Variants in NEGR1 observed in about 807,000 individuals in gnomAD.
The protein encoded by NEGR1 is neuronal growth regulator 1, also known as IgLON family member 4.
NEGR1 carries 10 observed loss-of-function variants against 40.9 expected under a neutral mutation model. The observed-to-expected ratio is 0.24, with a 90% confidence interval of 0.15 to 0.42. NEGR1 has a LOEUF of 0.42. Ranked by LOEUF, NEGR1 falls within the 10% of genes least tolerant of loss-of-function variation. NEGR1 has a pLI of 1.00. For missense variants in NEGR1, 352 were observed against 438.9 expected (o/e 0.80, Z 1.77); for synonymous variants, 185 against 166.8 (o/e 1.11, Z -0.84).
chr1:71,757,494 C>T (rs1655783811), intron 3 of NEGR1, among the ~76,000 whole-genome samples: 1 of 152,026 alleles, frequency 6.6e-6, no homozygotes, highest in Non-Finnish European at 1.5e-5. Flanking sequence ...GACTTGGTTC[C>T]TTTATTCTAA....
intron 1 of NEGR1, among the ~76,000 whole-genome samples, chr1:71,974,816 T>C (rs978188375): frequency 1.7e-4 from 26 of 152,214 alleles, no homozygotes; most frequent in Non-Finnish European, 3.4e-4. Flanking sequence ...TTTGAAAAGA[T>C]GTATACCTTA....
chr1:71,492,729 A>G (rs1646937876), intron 6 of NEGR1, among the ~76,000 whole-genome samples: 1 of 152,152 alleles, frequency 6.6e-6, no homozygotes, highest in Admixed American at 6.6e-5. Context: ...TAAAACTTTG[A>G]CTTTGTTTTC....
At chr1:72,187,290 C>T (rs1030714114) in intron 1 of NEGR1, among the ~76,000 whole-genome samples, 5 of 151,232 alleles carry the variant, frequency 3.3e-5, no homozygotes, top group Admixed American at 6.6e-5. Flanking sequence ...ATATTTTTTT[C>T]GCCACATTTC....
intron 2 of NEGR1, among the ~76,000 whole-genome samples, chr1:71,783,604 T>C (rs541169397): frequency 2.6e-5 from 4 of 152,238 alleles, no homozygotes; most frequent in East Asian, 3.9e-4. Flanking sequence ...GCCAAATTCA[T>C]GAAATACCTA....
intron 1 of NEGR1, among the ~76,000 whole-genome samples, chr1:72,234,775 G>A (rs1460911541): frequency 1.3e-5 from 2 of 151,920 alleles, no homozygotes; most frequent in African/African-American, 4.8e-5. Flanking sequence ...TTACTAAAAA[G>A]TCAAAAAAAT....
rs1646234836 is a variant in NEGR1, at chr1:71,399,724, C to A, written c.*7722G>T. 6.6e-6 allele frequency: 1 copy of A among 152,262 alleles called. No homozygotes were observed. The highest frequency in any genetic ancestry group is 2.1e-4 in the South Asian group (1 of 4,824). 9.4% of individuals were successfully genotyped at this position (152,262 alleles called of 1,614,324 possible). ...GGCAATGATTTCTTAAGGAGTATGT[C>A]AAAAATGAGCTATTGAACACATTTT... On this transcript the variant is annotated 3_prime_UTR_variant, in exon 7 of 7. Transcript: ENST00000357731.
At chr1:72,222,715 A>C (rs1406459000) in intron 1 of NEGR1, among the ~76,000 whole-genome samples, 1 of 152,162 alleles carries the variant, frequency 6.6e-6, no homozygotes, top group Admixed American at 6.6e-5. Flanking sequence ...TGACTTCAGA[A>C]GCTGAGGCAA....
chr1:71,495,485 A>T (rs1476676121), intron 6 of NEGR1, among the ~76,000 whole-genome samples: 2 of 151,890 alleles, frequency 1.3e-5, no homozygotes, highest in South Asian at 2.1e-4. Context: ...TCGGAAAAAA[A>T]AAAAAAAAGA....
chr1:72,136,818 G>A (rs765112539), intron 1 of NEGR1, among the ~76,000 whole-genome samples: 7 of 152,032 alleles, frequency 4.6e-5, no homozygotes, highest in Non-Finnish European at 1.0e-4. Context: ...GCAACCTACA[G>A]AATGGGAGAA....
At chr1:71,568,999 CTCCACCT>C (rs1170125525) in intron 6 of NEGR1, among the ~76,000 whole-genome samples, 1 of 151,770 alleles carries the variant, frequency 6.6e-6, no homozygotes, top group Non-Finnish European at 1.5e-5. Flanking sequence ...TCACTGCAAC[CTCCACCT>C]TCCAGGTTCA....
intron 3 of NEGR1, among the ~76,000 whole-genome samples, chr1:71,721,578 C>G (rs368251269): frequency 3.9e-5 from 6 of 152,104 alleles, no homozygotes; most frequent in African/African-American, 1.4e-4. Flanking sequence ...GTTGGCACTA[C>G]TGCTATTTTG....
At chr1:71,547,164 T>C (rs923833328) in intron 6 of NEGR1, among the ~76,000 whole-genome samples, 4 of 151,856 alleles carry the variant, frequency 2.6e-5, no homozygotes, top group Non-Finnish European at 5.9e-5. Context: ...ATAGCTAAAG[T>C]AGGAAGAGGA....
intron 1 of NEGR1, among the ~76,000 whole-genome samples, chr1:72,115,685 A>G (rs1649553821): frequency 6.6e-6 from 1 of 151,768 alleles, no homozygotes; most frequent in African/African-American, 2.4e-5. Context: ...AGAGCTCTCC[A>G]GGTATTTAGT....
intron 3 of NEGR1, among the ~76,000 whole-genome samples, chr1:71,704,752 G>T (rs1484217387): frequency 6.6e-6 from 1 of 151,444 alleles, no homozygotes; most frequent in South Asian, 2.1e-4. Context: ...AAATGGAGTG[G>T]GTTAATGCTC....
At chr1:71,942,485 T>TATA (rs61271690) in intron 1 of NEGR1, among the ~76,000 whole-genome samples, 74 of 4,932 alleles carry the variant, frequency 0.015, no homozygotes, top group East Asian at 0.03. Flanking sequence ...ATATATATAT[T>TATA]TTTTTTTTTT....
chr1:71,835,790 T>A (rs1659005532), intron 2 of NEGR1, among the ~76,000 whole-genome samples: 1 of 152,122 alleles, frequency 6.6e-6, no homozygotes, highest in South Asian at 2.1e-4. Context: ...TGGAACTATG[T>A]GACTTTGTGC....
At chr1:71,644,728 C>A (rs1651475860) in intron 4 of NEGR1, among the ~76,000 whole-genome samples, 1 of 151,874 alleles carries the variant, frequency 6.6e-6, no homozygotes, top group Admixed American at 6.6e-5. Flanking sequence ...TATTAAATTA[C>A]ATAACAGCAA....
At chr1:72,225,309 T>A (rs909344821) in intron 1 of NEGR1, among the ~76,000 whole-genome samples, 3 of 151,962 alleles carry the variant, frequency 2.0e-5, no homozygotes, top group African/African-American at 7.2e-5. Context: ...TCATTTCTCA[T>A]CAGATTTGAA....
intron 1 of NEGR1, among the ~76,000 whole-genome samples, chr1:72,142,410 A>C (rs1227475087): frequency 6.6e-6 from 1 of 151,928 alleles, no homozygotes; most frequent in African/African-American, 2.4e-5. Context: ...CATGCTACCA[A>C]AACATTTGTC....
Sources: gnomAD v4.1 joint callset for allele counts (sites outside exome capture counted in the v4.1 genomes callset) on GRCh38, gnomAD v4.1.1 for gene constraint, MANE v1.5 for transcripts, NCBI Gene and HGNC (gene_info 2026-07-23, HGNC 2026-07-21) for gene names.